The following C1orf146 variants were observed in gnomAD, a reference collection of about 807,000 sequenced individuals.
C1orf146 encodes the protein protein SPO16 homolog.
In C1orf146, 22 loss-of-function variants were observed where a neutral mutation model predicts 23.0. That is an observed-to-expected ratio of 0.96 (90% CI 0.68 to 1.36). The LOEUF is 1.36. C1orf146 is among the 40% of genes most tolerant of loss of function. The pLI, the probability that C1orf146 is intolerant of heterozygous loss-of-function variation, is 0.00. For synonymous variants in C1orf146, 59 were observed against 65.3 expected (o/e 0.90, Z 0.47); for missense variants, 199 against 206.8 (o/e 0.96, Z 0.23).
chr1:92,234,470 C>T (rs1186102780), intron 2 of C1orf146, among the ~76,000 whole-genome samples: 1 of 152,196 alleles, frequency 6.6e-6, no homozygotes, highest in Non-Finnish European at 1.5e-5. Flanking sequence ...CCCACTTGAT[C>T]ATGGTGGATA....
At chr1:92,243,625 G>T (rs1652487112) in intron 3 of C1orf146, among the ~76,000 whole-genome samples, 1 of 152,140 alleles carries the variant, frequency 6.6e-6, no homozygotes, top group African/African-American at 2.4e-5. Context: ...GATTACAGGT[G>T]TGAGCCACTG....
Position 92,244,857 on chromosome 1 carries a change from G to A in C1orf146, c.408G>A (p.Lys136=), listed in dbSNP as rs150020703. ...NAINLMCTIA[K]TTSKPYIDSI... is the part of the protein sequence containing the mutation. ...TTAATCTTATGTGCACTATAGCAAA[G>A]GTGAGTCACCCGTGGAATATGACAC... is the stretch of plus-strand genomic sequence containing the variant. The change falls in exon 5 of 6, where the codon AAG becomes AAA. Residue 136 remains lysine (K), a splice_region_variant and synonymous_variant. Coordinates refer to ENST00000370375, the MANE Select transcript of C1orf146 (RefSeq NM_001012425.2). 1.9e-6 allele frequency: 3 copies of A among 1,570,432 alleles called. No individual in the cohort carries two copies. The highest frequency in any genetic ancestry group is 2.6e-6 in the Non-Finnish European group (3 of 1,142,896).
At chr1:92,223,587 C>T (rs907055095) in intron 1 of C1orf146, among the ~76,000 whole-genome samples, 7 of 152,070 alleles carry the variant, frequency 4.6e-5, no homozygotes, top group African/African-American at 1.4e-4. Context: ...GGCTGGAGTA[C>T]AATGGCACGA....
rs1259128748 is a variant in C1orf146, at chr1:92,245,558, A to G, written c.427A>G (p.Ile143Val). The G allele has an allele frequency of 1.9e-6, 3 of 1,596,102 alleles. No individual in the cohort carries two copies. Among genetic ancestry groups the G allele is most frequent in the East Asian group, 4.5e-5 (2 of 44,006 alleles). ...CTTCCAGACTACCTCCAAACCATAC[A>G]TAGATAGCATTTGCTACAGAATGAT... Reference protein sequence around the residue: ...TIAKTTSKPYIDSICYRMITA... With the variant: ...TIAKTTSKPYVDSICYRMITA... The change falls in exon 6 of 6, where the codon ATA becomes GTA. Residue 143 changes from isoleucine to valine, a missense_variant. Physicochemically the swap from Ile to Val is conservative, Grantham distance 29. Transcript: ENST00000370375.
At chr1:92,219,935 C>T (rs1285737026) in intron 1 of C1orf146, among the ~76,000 whole-genome samples, 1 of 152,118 alleles carries the variant, frequency 6.6e-6, no homozygotes, top group Non-Finnish European at 1.5e-5. Flanking sequence ...TCAGTATAGA[C>T]TCATGGATAT....
In C1orf146 at chr1:92,242,195, G is replaced by A; in HGVS notation, c.67-17G>A. On this transcript the variant is annotated splice_polypyrimidine_tract_variant and intron_variant, in intron 2 of 5. Coordinates refer to ENST00000370375, the MANE Select transcript of C1orf146 (RefSeq NM_001012425.2). ...AAGCATGCCTTAAATTTGTATTTCT[G>A]ATATTTTTTAAAAAAGAGTTATGAA... 6.9e-7 allele frequency: 1 copy of A among 1,459,248 alleles called. No homozygotes were observed. Among genetic ancestry groups the A allele is most frequent in the Non-Finnish European group, 9.4e-7 (1 of 1,060,002 alleles). 90.4% of individuals were successfully genotyped at this position (1,459,248 alleles called of 1,614,324 possible). A position where few individuals can be genotyped will look rare whatever the true frequency, so the allele number is the denominator to read the frequency against.
chr1:92,232,635 G>A (rs2100737985), intron 2 of C1orf146, among the ~76,000 whole-genome samples: 1 of 152,140 alleles, frequency 6.6e-6, no homozygotes, highest in East Asian at 1.9e-4. Context: ...GTAATGGGAT[G>A]GCTGGGTCAA....
intron 1 of C1orf146, among the ~76,000 whole-genome samples, chr1:92,222,816 G>A (rs1441183828): frequency 6.6e-6 from 1 of 151,928 alleles, no homozygotes; most frequent in Non-Finnish European, 1.5e-5. Flanking sequence ...TTAATCTCCT[G>A]ACCTTGTGAT....
chr1:92,222,533 C>T (rs1442563677), intron 1 of C1orf146, among the ~76,000 whole-genome samples: 35 of 92,014 alleles, frequency 3.8e-4, no homozygotes, highest in Admixed American at 1.7e-3. Flanking sequence ...ATCCCTTCTT[C>T]GGTTTTTTTT....
chr1:92,244,796 T>TA lies in C1orf146; in HGVS notation c.348dup (p.Arg117ThrfsTer13), dbSNP rs758922264. ...TTTTTCAGATTCCTGGGTTGTAACTTACGAATACTTCCAGTACACAACACA... is the reference window on the plus strand; with the variant it reads ...TTTTTCAGATTCCTGGGTTGTAACTTAACGAATACTTCCAGTACACAACACA... On this transcript the variant is annotated frameshift_variant, in exon 5 of 6. Coordinates refer to ENST00000370375, the MANE Select transcript of C1orf146 (RefSeq NM_001012425.2). LOFTEE classifies it high-confidence loss of function. 3.7e-6 allele frequency: 6 copies of TA among 1,606,622 alleles called. No homozygotes were observed. The East Asian group carries it at 1.3e-4, about 36-fold the overall frequency.
chr1:92,225,555 G>C lies in C1orf146; in HGVS notation c.-39-5827G>C, dbSNP rs74670019. On this transcript the variant is annotated intron_variant, in intron 1 of 5. Transcript: ENST00000370375. Reference sequence around the variant, plus strand: ...TATTCTTTGATCTATGGGTTACTTAGAAGTGTGTGTTTGATTTCCAAGTAT... The same window carrying C: ...TATTCTTTGATCTATGGGTTACTTACAAGTGTGTGTTTGATTTCCAAGTAT... 2.3e-4 allele frequency among the ~76,000 whole-genome samples: 35 copies of C among 152,228 alleles called. No homozygotes were observed. In the East Asian group the frequency reaches 3.9e-3, roughly 17 times the overall value.
intron 2 of C1orf146, among the ~76,000 whole-genome samples, chr1:92,238,284 A>G (rs952635411): frequency 2.6e-5 from 4 of 152,210 alleles, no homozygotes; most frequent in Admixed American, 2.0e-4. Flanking sequence ...ATATGCAGGA[A>G]GGAGTATTGT....
chr1:92,230,587 G>T (rs1436334773), intron 1 of C1orf146, among the ~76,000 whole-genome samples: 1 of 151,110 alleles, frequency 6.6e-6, no homozygotes, highest in Non-Finnish European at 1.5e-5. Context: ...CTGCACTCCA[G>T]CCTGGGCAAC....
intron 5 of C1orf146, 37 bp from the exon 6 acceptor site, chr1:92,245,503 T>C: frequency 1.3e-6 from 2 of 1,515,110 alleles, no homozygotes; most frequent in Admixed American, 4.3e-5. Flanking sequence ...ATACCTTATT[T>C]CTGTAAATAA....
intron 2 of C1orf146, 87 bp downstream of exon 2, chr1:92,231,573 C>CT: frequency 1.3e-6 from 1 of 783,714 alleles, no homozygotes; most frequent in African/African-American, 1.8e-5. Flanking sequence ...AGGTTCTTAG[C>CT]TTAATTATCC....
chr1:92,234,802 C>T (rs1402821609), intron 2 of C1orf146, among the ~76,000 whole-genome samples: 18 of 152,262 alleles, frequency 1.2e-4, no homozygotes, highest in Non-Finnish European at 1.0e-4. Context: ...TGTTATTGGT[C>T]TATTCAGAGA....
intron 1 of C1orf146, among the ~76,000 whole-genome samples, chr1:92,222,220 GAC>G (rs1171182814): frequency 2.0e-5 from 3 of 152,128 alleles, no homozygotes; most frequent in Non-Finnish European, 4.4e-5. Flanking sequence ...CAGCCATAGT[GAC>G]AGAGTGAGAT....
intron 1 of C1orf146, among the ~76,000 whole-genome samples, chr1:92,220,908 G>A (rs181735144): frequency 6.6e-6 from 1 of 152,204 alleles, no homozygotes; most frequent in Non-Finnish European, 1.5e-5. Context: ...GAGTAGAGTT[G>A]CAGAGTTACA....
chr1:92,245,411 T>A (rs1652579207), intron 5 of C1orf146, 129 bp from the exon 6 acceptor site: 3 of 700,574 alleles, frequency 4.3e-6, no homozygotes, highest in Non-Finnish European at 7.1e-6. Context: ...TAGTAACTCA[T>A]ACATAGTATT....
Sources: allele counts gnomAD v4.1 joint callset (sites outside exome capture counted in the v4.1 genomes callset), GRCh38; gene constraint gnomAD v4.1.1; transcripts MANE v1.5; gene names NCBI Gene and HGNC (gene_info 2026-07-23, HGNC 2026-07-21).